Variants in DEFB116 observed in about 807,000 individuals in gnomAD.
DEFB116 encodes beta-defensin 116.
A neutral mutation model predicts 2.8 loss-of-function variants in DEFB116; 5 were observed. The ratio of observed to expected loss-of-function variants is 1.80; its 90% CI spans 0.94 to 3.79. The LOEUF (loss-of-function observed/expected upper bound fraction) is 3.79. DEFB116 is among the 30% of genes most tolerant of loss of function. DEFB116 has a pLI of 0.00. For missense variants in DEFB116, 170 were observed against 118.0 expected (o/e 1.44, Z -2.04); for synonymous variants, 56 against 40.8 (o/e 1.37, Z -1.42).
At chr20:31,305,036 G>T (rs1355534577) in intron 1 of DEFB116, among the ~76,000 whole-genome samples, 1 of 152,022 alleles carries the variant, frequency 6.6e-6, no homozygotes, top group Non-Finnish European at 1.5e-5. Flanking sequence ...TGTATAAACT[G>T]CCCCAGGAAT....
chr20:31,303,774 T>C (rs1600468147), intron 1 of DEFB116, among the ~76,000 whole-genome samples: 1 of 152,128 alleles, frequency 6.6e-6, no homozygotes, highest in African/African-American at 2.4e-5. Context: ...GAATATTAGA[T>C]GATGTAGTTG....
intron 1 of DEFB116, among the ~76,000 whole-genome samples, chr20:31,308,199 G>C (rs1211905465): frequency 1.3e-5 from 2 of 151,956 alleles, no homozygotes; most frequent in Non-Finnish European, 2.9e-5. Context: ...CCCTCCTATA[G>C]CTCCTCAACT....
intron 1 of DEFB116, among the ~76,000 whole-genome samples, chr20:31,305,120 A>C (rs1416702745): frequency 1.3e-5 from 2 of 152,076 alleles, no homozygotes; most frequent in South Asian, 2.1e-4. Context: ...TGAAAATGAT[A>C]CTGATTCATC....
At chr20:31,303,960 C>T (rs914331942) in intron 1 of DEFB116, among the ~76,000 whole-genome samples, 1 of 152,052 alleles carries the variant, frequency 6.6e-6, no homozygotes, top group Non-Finnish European at 1.5e-5. Flanking sequence ...TGCCTTTATC[C>T]TCTGAAACAT....
chr20:31,307,901 T>C (rs1985030376), intron 1 of DEFB116, among the ~76,000 whole-genome samples: 2 of 151,354 alleles, frequency 1.3e-5, no homozygotes, highest in African/African-American at 2.4e-5. Flanking sequence ...CATACAAACA[T>C]AACACTATCC....
At chr20:31,303,551 C>A in intron 1 of DEFB116, 98 bp from the exon 2 acceptor site, 1 of 1,481,290 alleles carries the variant, frequency 6.8e-7, no homozygotes, top group Non-Finnish European at 9.1e-7. Flanking sequence ...ATTAAGGGCA[C>A]AAGATCTGGA....
intron 1 of DEFB116, among the ~76,000 whole-genome samples, chr20:31,307,883 C>T (rs539061836): frequency 1.3e-4 from 20 of 152,074 alleles, no homozygotes; most frequent in African/African-American, 4.8e-4. Flanking sequence ...AAAAGCCCAA[C>T]TGCAAAACAT....
intron 1 of DEFB116, among the ~76,000 whole-genome samples, chr20:31,305,634 T>C (rs2122449215): frequency 6.6e-6 from 1 of 152,092 alleles, no homozygotes; most frequent in Non-Finnish European, 1.5e-5. Context: ...CCGATTGAAG[T>C]CAGAGGACCA....
intron 1 of DEFB116, among the ~76,000 whole-genome samples, chr20:31,306,106 A>G (rs1735575422): frequency 6.6e-6 from 1 of 152,048 alleles, no homozygotes; most frequent in East Asian, 1.9e-4. Flanking sequence ...CCAAGCCAAA[A>G]TCAATGTGAT....
chr20:31,305,066 GCTCCAACATCAA>G (rs750418432), intron 1 of DEFB116, among the ~76,000 whole-genome samples: 1 of 152,004 alleles, frequency 6.6e-6, no homozygotes, highest in Non-Finnish European at 1.5e-5. Context: ...GATTTCAACT[GCTCCAACATCAA>G]CCAGCCTGCT....
chr20:31,303,529 C>A lies in DEFB116; in HGVS notation c.68-76G>T. On this transcript the variant is annotated intron_variant, in intron 1 of 1. Transcript: ENST00000400549. ...TGATGAAGCATGATTTAAAGGAACA[C>A]GCCCTAAGACTATTAAGGGCACAAG... 3 of 1,553,124 alleles carry A rather than the reference C, an allele frequency of 1.9e-6. No individual in the cohort carries two copies. In the East Asian group the frequency reaches 6.8e-5, roughly 35 times the overall value.
rs572042372 is a variant in DEFB116 at position 31,304,606 on chromosome 20, T to C, written c.68-1153A>G. Among the ~76,000 whole-genome samples the C allele has an allele frequency of 2.0e-5, 3 of 152,172 alleles. No individual in the cohort carries two copies. In the East Asian group the frequency reaches 5.8e-4, roughly 29 times the overall value. On this transcript the variant is annotated intron_variant, in intron 1 of 1. Coordinates refer to ENST00000400549, the MANE Select transcript of DEFB116 (RefSeq NM_001037731.1). ...TCTTTTCTCTCTGTGTCACATTGCC[T>C]CTCTGTGATAGGCACAGAGAAGACG...
intron 1 of DEFB116, 50 bp from the exon 2 acceptor site, chr20:31,303,503 G>A (rs149056852): frequency 1.3e-6 from 2 of 1,598,860 alleles, no homozygotes; most frequent in African/African-American, 1.3e-5. Flanking sequence ...TGATAATAGG[G>A]TGATGAAGCA....
chr20:31,307,120 T>C (rs905099936), intron 1 of DEFB116, among the ~76,000 whole-genome samples: 3 of 152,144 alleles, frequency 2.0e-5, no homozygotes, highest in South Asian at 2.1e-4. Flanking sequence ...GAAACCATCA[T>C]CACAATCTAT....
At chr20:31,304,992 G>A (rs960041153) in intron 1 of DEFB116, among the ~76,000 whole-genome samples, 1 of 152,034 alleles carries the variant, frequency 6.6e-6, no homozygotes, top group East Asian at 1.9e-4. Context: ...ATGCCTCCAC[G>A]GCAGATGTCC....
intron 1 of DEFB116, among the ~76,000 whole-genome samples, chr20:31,306,261 C>T (rs1456636827): frequency 2.0e-5 from 3 of 152,118 alleles, no homozygotes; most frequent in Non-Finnish European, 4.4e-5. Flanking sequence ...CTACTCTATT[C>T]AACACACTCA....
chr20:31,303,557 C>A (rs780576220), intron 1 of DEFB116, 104 bp from the exon 2 acceptor site: 4 of 1,475,758 alleles, frequency 2.7e-6, no homozygotes, highest in Admixed American at 4.5e-5. Context: ...GGCACAAGAT[C>A]TGGAATCAAA....
At chr20:31,303,986 C>T (rs1984939597) in intron 1 of DEFB116, among the ~76,000 whole-genome samples, 1 of 152,096 alleles carries the variant, frequency 6.6e-6, no homozygotes, top group African/African-American at 2.4e-5. Context: ...CAAACAAGTA[C>T]TACAACTGTC....
At chr20:31,304,860 AAG>A (rs1276573498) in intron 1 of DEFB116, among the ~76,000 whole-genome samples, 1 of 152,124 alleles carries the variant, frequency 6.6e-6, no homozygotes, top group African/African-American at 2.4e-5. Flanking sequence ...GGGACAAAGC[AAG>A]TATAATGTTA....
Sources: gnomAD v4.1 joint callset for allele counts (sites outside exome capture counted in the v4.1 genomes callset) on GRCh38, gnomAD v4.1.1 for gene constraint, MANE v1.5 for transcripts, NCBI Gene and HGNC (gene_info 2026-07-23, HGNC 2026-07-21) for gene names.